The following ADGRL3 variants were observed in gnomAD, a reference collection of about 807,000 sequenced individuals.
ADGRL3 encodes calcium-independent alpha-latrotoxin receptor 3.
ADGRL3 carries 62 observed loss-of-function variants against 153.5 expected under a neutral mutation model. The ratio of observed to expected loss-of-function variants is 0.40; its 90% CI spans 0.33 to 0.50. The LOEUF (loss-of-function observed/expected upper bound fraction) is 0.50. Among genes scored for constraint, ADGRL3 ranks in the 20% least tolerant of loss-of-function variants. The probability of loss-of-function intolerance (pLI) is 0.47; values close to 1 mark genes in which losing one functional copy is unlikely to be tolerated. For synonymous variants in ADGRL3, 710 were observed against 672.5 expected (o/e 1.06, Z -0.86); for missense variants, 1,641 against 1,859.4 (o/e 0.88, Z 2.16).
intron 1 of ADGRL3, among the ~76,000 whole-genome samples, chr4:61,254,351 A>T (rs2091761634): frequency 6.6e-6 from 1 of 152,116 alleles, no homozygotes; most frequent in African/African-American, 2.4e-5. Flanking sequence ...TGTTGCCAGA[A>T]CCTCACATTA....
rs558990331 is a variant in ADGRL3 at position 61,773,655 on chromosome 4, G to GA, written c.1399+40108dup. Among the ~76,000 whole-genome samples, 57 of 152,072 alleles carry GA rather than the reference G, an allele frequency of 3.7e-4. No homozygotes were observed. In the South Asian group the frequency reaches 0.011, roughly 30 times the overall value. On this transcript the variant is annotated intron_variant, in intron 8 of 26. Transcript: ENST00000683033. ...ATATTTTTATACCACTGTAGGCAAG[G>GA]AAAAAAACCCTTTTTCCTTCTAACT...
chr4:61,443,945 T>C (rs949737333), intron 2 of ADGRL3, among the ~76,000 whole-genome samples: 1 of 152,146 alleles, frequency 6.6e-6, no homozygotes, highest in African/African-American at 2.4e-5. Context: ...ATATATTTGA[T>C]TTTGATGCCT....
intron 1 of ADGRL3, among the ~76,000 whole-genome samples, chr4:61,331,947 C>T (rs1031887717): frequency 1.3e-5 from 2 of 151,868 alleles, no homozygotes; most frequent in African/African-American, 2.4e-5. Context: ...AGTCAGTGTT[C>T]TGTAGGAGTG....
chr4:61,270,778 A>AT (rs2093128250), intron 1 of ADGRL3, among the ~76,000 whole-genome samples: 1 of 151,432 alleles, frequency 6.6e-6, no homozygotes, highest in African/African-American at 2.4e-5. Context: ...AAAGCACCTG[A>AT]TTTTCTCTTT....
At chr4:61,287,647 G>A (rs984439330) in intron 1 of ADGRL3, among the ~76,000 whole-genome samples, 2 of 151,902 alleles carry the variant, frequency 1.3e-5, no homozygotes, top group African/African-American at 4.8e-5. Context: ...AAGGAGAAAA[G>A]CTGCCTCCCT....
intron 13 of ADGRL3, among the ~76,000 whole-genome samples, chr4:61,930,900 T>A (rs2098815131): frequency 6.6e-6 from 1 of 152,166 alleles, no homozygotes; most frequent in African/African-American, 2.4e-5. Flanking sequence ...AAATAACTAG[T>A]TGGAGAAAAA....
rs1040478237 is a variant in ADGRL3 at position 61,409,229 on chromosome 4, A to ATATATATTAGACATACATAATATATAT, written c.-174+26075_-174+26101dup. On this transcript the variant is annotated intron_variant, in intron 2 of 26. Transcript: ENST00000683033. ...ATATTAGACATACATAATATATATT[A>ATATATATTAGACATACATAATATATAT]TATATATTAGACATACATAATATAT... Among the ~76,000 whole-genome samples, 537 of 136,584 alleles carry ATATATATTAGACATACATAATATATAT rather than the reference A, an allele frequency of 3.9e-3. 28 individuals carry two copies. The East Asian group carries it at 0.11, about 27-fold the overall frequency. The allele number at this position is 136,584 out of a possible 152,430, so 89.6% of individuals were successfully genotyped here.
At chr4:61,343,200 C>T (rs750397266) in intron 1 of ADGRL3, among the ~76,000 whole-genome samples, 16 of 152,156 alleles carry the variant, frequency 1.1e-4, no homozygotes, top group Non-Finnish European at 1.8e-4. Context: ...CACAGCCAAA[C>T]CATATTAATC....
chr4:62,018,192 G>A (rs529887008), intron 21 of ADGRL3, among the ~76,000 whole-genome samples: 28 of 152,062 alleles, frequency 1.8e-4, no homozygotes, highest in Non-Finnish European at 3.7e-4. Flanking sequence ...CATCCCAAAG[G>A]CCAGCAGGTG....
At chr4:61,765,812 G>A (rs981666042) in intron 8 of ADGRL3, among the ~76,000 whole-genome samples, 7 of 152,034 alleles carry the variant, frequency 4.6e-5, no homozygotes, top group African/African-American at 1.2e-4. Flanking sequence ...GCAAATCCTC[G>A]AGCTTGATGT....
chr4:61,704,760 T>G (rs2095827767), intron 6 of ADGRL3, among the ~76,000 whole-genome samples: 1 of 152,196 alleles, frequency 6.6e-6, no homozygotes, highest in African/African-American at 2.4e-5. Flanking sequence ...TCAACTAAAT[T>G]TATGTAATAT....
At chr4:61,959,034 T>C (rs1435673210) in intron 17 of ADGRL3, among the ~76,000 whole-genome samples, 1 of 152,192 alleles carries the variant, frequency 6.6e-6, no homozygotes, top group Admixed American at 6.5e-5. Flanking sequence ...GGTAATGTAA[T>C]TGTATACTTA....
At chr4:61,581,888 C>T (rs2098927289) in intron 4 of ADGRL3, among the ~76,000 whole-genome samples, 1 of 151,988 alleles carries the variant, frequency 6.6e-6, no homozygotes. Context: ...TTATCATTAC[C>T]TATTTAAAAC....
chr4:61,259,413 ACT>A (rs1286497472), intron 1 of ADGRL3, among the ~76,000 whole-genome samples: 6 of 147,534 alleles, frequency 4.1e-5, no homozygotes, highest in Non-Finnish European at 7.4e-5. Flanking sequence ...ACAGAGTGAG[ACT>A]CTGTCTCAAA....
At chr4:61,318,654 G>A (rs1379850653) in intron 1 of ADGRL3, among the ~76,000 whole-genome samples, 1 of 152,140 alleles carries the variant, frequency 6.6e-6, no homozygotes, top group Non-Finnish European at 1.5e-5. Flanking sequence ...AAAGCATTAT[G>A]AATTTAATCT....
intron 1 of ADGRL3, among the ~76,000 whole-genome samples, chr4:61,301,489 C>A (rs2150351696): frequency 6.6e-6 from 1 of 152,242 alleles, no homozygotes; most frequent in South Asian, 2.1e-4. Context: ...TCCTAACTGT[C>A]CAAATGTTTT....
chr4:61,499,602 C>T (rs1193458022), intron 3 of ADGRL3, among the ~76,000 whole-genome samples: 1 of 152,018 alleles, frequency 6.6e-6, no homozygotes, highest in Non-Finnish European at 1.5e-5. Context: ...AGTGCTTGAA[C>T]ATGTGAATTT....
chr4:61,688,870 C>G (rs1176969805), intron 6 of ADGRL3, among the ~76,000 whole-genome samples: 1 of 152,192 alleles, frequency 6.6e-6, no homozygotes, highest in Non-Finnish European at 1.5e-5. Flanking sequence ...TACGATTTAG[C>G]TCTTAAACCA....
At chr4:61,504,142 G>A (rs551523759) in intron 3 of ADGRL3, among the ~76,000 whole-genome samples, 29 of 152,088 alleles carry the variant, frequency 1.9e-4, no homozygotes, top group East Asian at 7.8e-4. Context: ...ACAGGCATGC[G>A]CCACCACACC....
Sources: gnomAD v4.1 joint callset for allele counts (sites outside exome capture counted in the v4.1 genomes callset) on GRCh38, gnomAD v4.1.1 for gene constraint, MANE v1.5 for transcripts, NCBI Gene and HGNC (gene_info 2026-07-23, HGNC 2026-07-21) for gene names.